The following ARMC3 variants were observed in gnomAD, a reference collection of about 807,000 sequenced individuals.
ARMC3 encodes armadillo repeat-containing protein 3.
Under a neutral mutation model 90.3 loss-of-function variants are expected in ARMC3, and 74 were observed. That is an observed-to-expected ratio of 0.82 (90% CI 0.68 to 0.99). The LOEUF is 0.99. ARMC3 is among the 50% of genes least tolerant of loss of function. The pLI is 0.00. For synonymous variants in ARMC3, 334 were observed against 361.8 expected (o/e 0.92, Z 0.87); for missense variants, 958 against 1,042.8 (o/e 0.92, Z 1.12).
intron 11 of ARMC3, among the ~76,000 whole-genome samples, chr10:23,001,712 T>A (rs1166172732): frequency 6.6e-6 from 1 of 152,142 alleles, no homozygotes; most frequent in African/African-American, 2.4e-5. Flanking sequence ...TGGGATACTT[T>A]CCCAGGGCCC....
intron 16 of ARMC3, among the ~76,000 whole-genome samples, chr10:23,022,623 G>T (rs980801348): frequency 4.6e-5 from 7 of 152,176 alleles, no homozygotes; most frequent in African/African-American, 1.7e-4. Flanking sequence ...TGACAAGGGG[G>T]TTGACTGGAG....
intron 10 of ARMC3, chr10:22,997,385 A>G (rs577476573): frequency 6.6e-6 from 1 of 152,300 alleles, no homozygotes; most frequent in South Asian, 2.1e-4. Flanking sequence ...TCTTAAAAGA[A>G]GATTTAGGCT....
Position 22,961,990 on chromosome 10 carries a change from T to C in ARMC3, c.644T>C (p.Leu215Ser), listed in dbSNP as rs1382035770. The stretch of plus-strand genomic sequence containing the variant: ...ATTCAGTTGTTGGCTCTCAAAACCT[T>C]AGGTGTTATTGCAAATGATAAGGAG... ...PVIQLLALKTLGVIANDKESR... is the reference protein window; with the variant it reads ...PVIQLLALKTSGVIANDKESR... Residue 215 changes from leucine (L) to serine (S), a missense_variant, in exon 7 of 19, where the codon TTA (leucine) becomes TCA (serine). By Grantham distance (145) the Leu-to-Ser change is moderately radical. Coordinates refer to ENST00000298032, the MANE Select transcript of ARMC3 (RefSeq NM_173081.5). 1.9e-6 allele frequency: 3 copies of C among 1,612,624 alleles called. No homozygotes were observed. Among genetic ancestry groups the C allele is most frequent in the Non-Finnish European group, 2.5e-6 (3 of 1,179,250 alleles).
At chr10:23,009,045 T>A in intron 16 of ARMC3, 114 bp downstream of exon 16, 1 of 742,386 alleles carries the variant, frequency 1.3e-6, no homozygotes, top group Non-Finnish European at 2.2e-6. Context: ...GCAAGACTCA[T>A]GAGATGAAAT....
chr10:23,017,281 T>G (rs928430513), intron 16 of ARMC3, among the ~76,000 whole-genome samples: 2 of 152,176 alleles, frequency 1.3e-5, no homozygotes, highest in Non-Finnish European at 2.9e-5. Context: ...ATATAGAGCT[T>G]TGTAATTCTC....
rs116870600 is a variant in ARMC3 at position 22,967,611 on chromosome 10, C to A, written c.733-695C>A. ...GCATTCTGGACAACCTTGCCAAAGCCCTGCAAGGTATTGCCACCTAGTTGG... is the reference window on the plus strand; with the variant it reads ...GCATTCTGGACAACCTTGCCAAAGCACTGCAAGGTATTGCCACCTAGTTGG... On this transcript the variant is annotated intron_variant, in intron 7 of 18. Transcript: ENST00000298032. 3.0e-4 allele frequency among the ~76,000 whole-genome samples: 45 copies of A among 152,226 alleles called. 1 individual carries two copies. The East Asian group carries it at 7.5e-3, about 25-fold the overall frequency.
intron 10 of ARMC3, among the ~76,000 whole-genome samples, chr10:22,992,555 T>C (rs919319698): frequency 6.6e-6 from 1 of 152,190 alleles, no homozygotes; most frequent in African/African-American, 2.4e-5. Context: ...GTTGTCTCCC[T>C]TAATTGTGAA....
At chr10:22,968,010 T>A (rs1462230449) in intron 7 of ARMC3, among the ~76,000 whole-genome samples, 1 of 152,066 alleles carries the variant, frequency 6.6e-6, no homozygotes, top group African/African-American at 2.4e-5. Context: ...TTCAAAATTG[T>A]TTTTTGCAGA....
At chr10:22,982,067 G>A (rs561000480) in intron 10 of ARMC3, among the ~76,000 whole-genome samples, 179 of 152,236 alleles carry the variant, frequency 1.2e-3, no homozygotes, top group African/African-American at 4.2e-3. Flanking sequence ...TCTTAAAAGG[G>A]TATAAACATT....
At chr10:22,950,122 A>T (rs1405753370) in intron 3 of ARMC3, among the ~76,000 whole-genome samples, 1 of 152,128 alleles carries the variant, frequency 6.6e-6, no homozygotes, top group Non-Finnish European at 1.5e-5. Context: ...GCAGATCTAC[A>T]CTATTACTTA....
intron 16 of ARMC3, among the ~76,000 whole-genome samples, chr10:23,028,447 T>G (rs111389325): frequency 0.021 from 3,192 of 152,322 alleles, 120 homozygotes; most frequent in African/African-American, 0.074. Flanking sequence ...ATCTAGGCAG[T>G]GGTGTCTATT....
intron 7 of ARMC3, among the ~76,000 whole-genome samples, chr10:22,967,878 T>C (rs1835508167): frequency 6.6e-6 from 1 of 152,224 alleles, no homozygotes; most frequent in Non-Finnish European, 1.5e-5. Flanking sequence ...GGGGATTCAG[T>C]AGATTTCCTC....
At chr10:22,991,466 A>G (rs894958566) in intron 10 of ARMC3, among the ~76,000 whole-genome samples, 4 of 150,140 alleles carry the variant, frequency 2.7e-5, no homozygotes, top group Admixed American at 2.0e-4. Context: ...GTTTTGTTTT[A>G]GGTTTTTTTT....
chr10:23,036,722 C>G (rs890063239), intron 18 of ARMC3, among the ~76,000 whole-genome samples: 1 of 152,146 alleles, frequency 6.6e-6, no homozygotes, highest in Non-Finnish European at 1.5e-5. Context: ...ACCTCAAAAT[C>G]AGGAATCATC....
Position 23,037,364 on chromosome 10 carries a change from A to C in ARMC3, c.2504A>C (p.Lys835Thr). ...GTCATGCTGCAGAATGACTCTCGGA[A>C]GGGAGTGATTGGGGGCCTCCCCGCT... ...NEVMLQNDSR[K>T]GVIGGLPAPE... The change falls in exon 19 of 19, where the codon AAG becomes ACG. Residue 835 changes from lysine to threonine, a missense_variant. Transcript: ENST00000298032. The C allele has an allele frequency of 1.9e-6, 3 of 1,614,038 alleles. No individual in the cohort carries two copies. Among genetic ancestry groups the C allele is most frequent in the Non-Finnish European group, 2.5e-6 (3 of 1,179,932 alleles).
At chr10:22,947,945 A>G (rs1834602140) in intron 3 of ARMC3, among the ~76,000 whole-genome samples, 1 of 152,164 alleles carries the variant, frequency 6.6e-6, no homozygotes. Flanking sequence ...GACTTTTATT[A>G]TGTTGCATGA....
intron 10 of ARMC3, among the ~76,000 whole-genome samples, chr10:22,995,289 C>G (rs1836899040): frequency 6.6e-6 from 1 of 152,012 alleles, no homozygotes. Flanking sequence ...TTTTAAAGTA[C>G]AAGTTCTGGG....
At chr10:22,980,640 A>G (rs183594038) in intron 8 of ARMC3, among the ~76,000 whole-genome samples, 26 of 152,284 alleles carry the variant, frequency 1.7e-4, no homozygotes, top group African/African-American at 6.0e-4. Flanking sequence ...CCAAGAGAAA[A>G]CAATGTTTAG....
At chr10:22,943,202 C>T (rs887127952) in intron 2 of ARMC3, among the ~76,000 whole-genome samples, 2 of 152,088 alleles carry the variant, frequency 1.3e-5, no homozygotes, top group Admixed American at 1.3e-4. Context: ...GCTTTTTAAT[C>T]CAATCTAACA....
Sources: gnomAD v4.1 joint callset for allele counts (sites outside exome capture counted in the v4.1 genomes callset) on GRCh38, gnomAD v4.1.1 for gene constraint, MANE v1.5 for transcripts, NCBI Gene and HGNC (gene_info 2026-07-23, HGNC 2026-07-21) for gene names.